Variants in STMND1 observed in about 807,000 individuals in gnomAD.
STMND1 encodes the protein stathmin domain-containing protein 1.
Under a neutral mutation model 23.0 loss-of-function variants are expected in STMND1, and 17 were observed. The observed-to-expected ratio is 0.74, with a 90% confidence interval of 0.51 to 1.11. The LOEUF (loss-of-function observed/expected upper bound fraction) is 1.11. STMND1 is among the 50% of genes least tolerant of loss of function. The pLI, the probability that STMND1 is intolerant of heterozygous loss-of-function variation, is 0.00. For synonymous variants in STMND1, 114 were observed against 119.9 expected, an observed-to-expected ratio of 0.95 and a Z score of 0.32; for missense variants, 305 against 329.1, an observed-to-expected ratio of 0.93 and a Z score of 0.57.
intron 1 of STMND1, among the ~76,000 whole-genome samples, chr6:17,103,703 C>T (rs1760975997): frequency 6.6e-6 from 1 of 151,148 alleles, no homozygotes; most frequent in South Asian, 2.1e-4. Flanking sequence ...TCCTGAGTAG[C>T]TGGGATGACA....
intron 1 of STMND1, among the ~76,000 whole-genome samples, chr6:17,104,761 C>T (rs972439906): frequency 1.3e-5 from 2 of 152,202 alleles, no homozygotes; most frequent in Non-Finnish European, 2.9e-5. Flanking sequence ...TTAGGTAGGA[C>T]ACATAAACCC....
intron 3 of STMND1, among the ~76,000 whole-genome samples, chr6:17,121,196 C>T (rs768504310): frequency 2.0e-5 from 3 of 152,218 alleles, no homozygotes; most frequent in Non-Finnish European, 4.4e-5. Context: ...CCATGTAGAA[C>T]TCTGAATCAA....
At chr6:17,123,513 A>G (rs1217355298) in intron 3 of STMND1, among the ~76,000 whole-genome samples, 1 of 152,086 alleles carries the variant, frequency 6.6e-6, no homozygotes, top group East Asian at 1.9e-4. Context: ...GGATATTTCA[A>G]ACATCCCAGT....
At position 17,111,215 on chromosome 6, in the gene STMND1, A is replaced by G. The variant is rs143419654; in HGVS notation, c.82-3747A>G. On this transcript the variant is annotated intron_variant, in intron 1 of 4. Transcript: ENST00000536551. ...CCATTTTTATGCTTTGTTTTGACCT[A>G]TTTACAAGCAATGGAACTGTGGTTT... Among the ~76,000 whole-genome samples, 16 of 152,254 alleles carry G rather than the reference A, an allele frequency of 1.1e-4. 1 individual carries two copies. In the East Asian group the frequency reaches 3.1e-3, roughly 29 times the overall value.
At chr6:17,103,468 C>T (rs961637858) in intron 1 of STMND1, among the ~76,000 whole-genome samples, 5 of 152,074 alleles carry the variant, frequency 3.3e-5, no homozygotes. Context: ...GTACCTGGTG[C>T]CCTGGGGGAA....
At chr6:17,106,415 G>A (rs1415898220) in intron 1 of STMND1, among the ~76,000 whole-genome samples, 1 of 152,140 alleles carries the variant, frequency 6.6e-6, no homozygotes, top group African/African-American at 2.4e-5. Context: ...AGGCACTAAT[G>A]AATCTTTCTT....
rs1471227735 is a variant in STMND1 at position 17,114,952 on chromosome 6, C to G, written c.82-10C>G. 1 of 1,502,586 alleles carries G rather than the reference C, an allele frequency of 6.7e-7. No homozygotes were observed. Among genetic ancestry groups the G allele is most frequent in the East Asian group, 2.5e-5 (1 of 40,078 alleles). The allele number at this position is 1,502,586 out of a possible 1,614,324, so 93.1% of individuals were successfully genotyped here. On this transcript the variant is annotated splice_polypyrimidine_tract_variant and intron_variant, in intron 1 of 4. Coordinates refer to ENST00000536551, the MANE Select transcript of STMND1 (RefSeq NM_001190766.2). Reference sequence around the variant, plus strand: ...ATCTTGACTCTAACAAAACTGTTCCCTTTTCACAGGCTGATGTCAGTGTGC... The same window carrying G: ...ATCTTGACTCTAACAAAACTGTTCCGTTTTCACAGGCTGATGTCAGTGTGC...
intron 4 of STMND1, 98 bp downstream of exon 4, chr6:17,129,341 C>A: frequency 8.6e-7 from 1 of 1,162,866 alleles, no homozygotes; most frequent in East Asian, 2.7e-5. Context: ...AGACAAACTG[C>A]ATGGATCTAT....
At chr6:17,126,070 A>ATATT (rs1561925814) in intron 3 of STMND1, among the ~76,000 whole-genome samples, 10 of 20,528 alleles carry the variant, frequency 4.9e-4, no homozygotes, top group East Asian at 2.7e-3. Context: ...ATATATATAT[A>ATATT]TTTTTTTTTT....
intron 1 of STMND1, 141 bp from the exon 2 acceptor site, chr6:17,114,821 G>T: frequency 2.3e-6 from 2 of 875,640 alleles, no homozygotes; most frequent in African/African-American, 1.7e-5. Context: ...AGGGGGTTGG[G>T]GACCCCGATC....
At chr6:17,129,034 T>C (rs1053259213) in intron 3 of STMND1, 78 bp from the exon 4 acceptor site, 5 of 1,421,340 alleles carry the variant, frequency 3.5e-6, no homozygotes, top group Non-Finnish European at 4.7e-6. Flanking sequence ...TTTTAAACTG[T>C]TTATTCTAAC....
In STMND1 at chr6:17,130,957, T is replaced by G; in HGVS notation, c.*76T>G. On this transcript the variant is annotated 3_prime_UTR_variant, in exon 5 of 5. Transcript: ENST00000536551. ...CATTTGTAGTATGTCTCATATTCTT[T>G]GACTGACTGACCTCATTCCACTGGG... The G allele has an allele frequency of 7.6e-7, 1 of 1,323,502 alleles. No individual in the cohort carries two copies. Among genetic ancestry groups the G allele is most frequent in the Non-Finnish European group, 1.0e-6 (1 of 987,924 alleles). 82.0% of individuals were successfully genotyped at this position (1,323,502 alleles called of 1,614,324 possible).
At position 17,115,074 on chromosome 6, in the gene STMND1, G is replaced by A. The variant is rs1451370399; in HGVS notation, c.194G>A (p.Ser65Asn). The change falls in exon 2 of 5, where the codon AGC becomes AAC. Residue 65 changes from serine (S) to asparagine (N), a missense_variant. Transcript: ENST00000536551. ...AEGLEQVQMG[S>N]LPGTISENSP... The stretch of plus-strand genomic sequence containing the variant: ...GGCCTGGAACAAGTCCAGATGGGAA[G>A]CTTACCTGGAACCATTTCAGAAAAT... 6.5e-7 allele frequency: 1 copy of A among 1,535,988 alleles called. No individual in the cohort carries two copies. Among genetic ancestry groups the A allele is most frequent in the Non-Finnish European group, 8.7e-7 (1 of 1,146,852 alleles).
rs574406474 is a variant in STMND1 at position 17,129,712 on chromosome 6, C to T, written c.543+469C>T. 1.4e-3 allele frequency among the ~76,000 whole-genome samples: 211 copies of T among 152,054 alleles called. 2 individuals carry two copies. Among genetic ancestry groups the T allele is most frequent in the African/African-American group, 4.6e-3 (192 of 41,508 alleles). On this transcript the variant is annotated intron_variant, in intron 4 of 4. Coordinates refer to ENST00000536551, the MANE Select transcript of STMND1 (RefSeq NM_001190766.2). ...ACAAAAAATTAGCCGGGCGTGGTGGCGGGCGCCTGTAGTCCCAGCTACTCG... is the reference window on the plus strand; with the variant it reads ...ACAAAAAATTAGCCGGGCGTGGTGGTGGGCGCCTGTAGTCCCAGCTACTCG...
intron 1 of STMND1, chr6:17,110,596 C>A (rs1394740720): frequency 3.2e-6 from 1 of 311,540 alleles, no homozygotes; most frequent in East Asian, 8.3e-5. Context: ...GGTGAAACCC[C>A]GTCTCTACTA....
intron 3 of STMND1, among the ~76,000 whole-genome samples, chr6:17,127,331 CCT>C (rs1166017130): frequency 1.3e-5 from 2 of 152,154 alleles, no homozygotes; most frequent in African/African-American, 4.8e-5. Context: ...AGGTGGAACA[CCT>C]GAGGTCAGGA....
At chr6:17,107,772 A>AT (rs907921513) in intron 1 of STMND1, among the ~76,000 whole-genome samples, 1 of 152,158 alleles carries the variant, frequency 6.6e-6, no homozygotes, top group African/African-American at 2.4e-5. Context: ...AATTTTTGAT[A>AT]TTTTGTAGAG....
chr6:17,115,692 G>A (rs555076670), intron 2 of STMND1, among the ~76,000 whole-genome samples: 1 of 152,128 alleles, frequency 6.6e-6, no homozygotes, highest in Non-Finnish European at 1.5e-5. Flanking sequence ...TTGAGTTACC[G>A]CCTGGTGTCC....
At chr6:17,109,844 G>C (rs969609309) in intron 1 of STMND1, among the ~76,000 whole-genome samples, 6 of 152,150 alleles carry the variant, frequency 3.9e-5, no homozygotes, top group African/African-American at 1.4e-4. Flanking sequence ...GAACCCAAAA[G>C]TGATTTTTCT....
Sources: gnomAD v4.1 joint callset for allele counts (sites outside exome capture counted in the v4.1 genomes callset) on GRCh38, gnomAD v4.1.1 for gene constraint, MANE v1.5 for transcripts, NCBI Gene and HGNC (gene_info 2026-07-23, HGNC 2026-07-21) for gene names.